The following WWC1 variants were observed in gnomAD, a reference collection of about 807,000 sequenced individuals.
WWC1 encodes WW and C2 domain containing 1, also known as protein KIBRA.
A neutral mutation model predicts 138.4 loss-of-function variants in WWC1; 55 were observed. That is an observed-to-expected ratio of 0.40 (90% CI 0.32 to 0.50). WWC1 has a LOEUF of 0.50. Ranked by LOEUF, WWC1 falls within the 20% of genes least tolerant of loss-of-function variation. WWC1 has a pLI of 0.72. For missense variants in WWC1, 1,226 were observed against 1,420.4 expected, an observed-to-expected ratio of 0.86 and a Z score of 2.20; for synonymous variants, 524 against 564.9, an observed-to-expected ratio of 0.93 and a Z score of 1.03.
chr5:168,349,484 C>T (rs1028983414), intron 1 of WWC1, among the ~76,000 whole-genome samples: 5 of 152,200 alleles, frequency 3.3e-5, no homozygotes, highest in Non-Finnish European at 7.3e-5. Flanking sequence ...GGGCCTCATC[C>T]TGGCCAAGCA....
At chr5:168,390,362 G>A (rs1778386055) in intron 3 of WWC1, among the ~76,000 whole-genome samples, 1 of 152,066 alleles carries the variant, frequency 6.6e-6, no homozygotes, top group South Asian at 2.1e-4. Flanking sequence ...ATGATCAAAG[G>A]AAGGAAGTAA....
At position 168,376,334 on chromosome 5, in the gene WWC1, G is replaced by A. The variant is rs554273020; in HGVS notation, c.229+4801G>A. Reference sequence around the variant, plus strand: ...CTCCCAAAGTGCTGGGATTACAGGCGTGAGCTGCTGTGCCTGGCCCATATT... The same window carrying A: ...CTCCCAAAGTGCTGGGATTACAGGCATGAGCTGCTGTGCCTGGCCCATATT... On this transcript the variant is annotated intron_variant, in intron 2 of 22. Transcript: ENST00000265293. 7.9e-5 allele frequency among the ~76,000 whole-genome samples: 12 copies of A among 152,306 alleles called. No individual in the cohort carries two copies. The South Asian group carries it at 2.1e-3, about 26-fold the overall frequency.
Position 168,307,125 on chromosome 5 carries a change from G to A in WWC1, c.119+14854G>A, listed in dbSNP as rs73801875. Among the ~76,000 whole-genome samples the A allele has an allele frequency of 4.1e-3, 620 of 152,276 alleles. 3 individuals are homozygous for A. Among genetic ancestry groups the A allele is most frequent in the African/African-American group, 0.014 (584 of 41,562 alleles). ...CTGGGCTGTGTGCTTTGAATGCATC[G>A]CCCAGTTTAATTCTCATAGCAACCC... On this transcript the variant is annotated intron_variant, in intron 1 of 22. Transcript: ENST00000265293.
chr5:168,376,835 T>C (rs1384494466), intron 2 of WWC1, among the ~76,000 whole-genome samples: 1 of 152,246 alleles, frequency 6.6e-6, no homozygotes, highest in Non-Finnish European at 1.5e-5. Flanking sequence ...AGAATCAATA[T>C]TGTTTAAATG....
chr5:168,292,394 C>A lies in WWC1; in HGVS notation c.119+123C>A. On this transcript the variant is annotated intron_variant, in intron 1 of 22. Transcript: ENST00000265293. This position sits in a 1 kb window ranked among gnomAD's most constrained non-coding sequence, Gnocchi z 4.4. ...CTCTGCGTGCCTCTTGAGCTCTCTT[C>A]AGTTCGCCACCCCCTGCTCCCCCCA... 1 of 1,147,220 alleles carries A rather than the reference C, an allele frequency of 8.7e-7. No individual in the cohort carries two copies. The highest frequency in any genetic ancestry group is 1.2e-6 in the Non-Finnish European group (1 of 824,142). The allele number at this position is 1,147,220 out of a possible 1,614,324, so 71.1% of individuals were successfully genotyped here.
intron 1 of WWC1, among the ~76,000 whole-genome samples, chr5:168,350,134 G>A (rs1774823984): frequency 6.6e-6 from 1 of 152,158 alleles, no homozygotes; most frequent in South Asian, 2.1e-4. Context: ...CAGGGCTCCA[G>A]TTGTATCATC....
chr5:168,423,972 C>T lies in WWC1; in HGVS notation c.1714C>T (p.Leu572=). Reference sequence around the variant, plus strand: ...CTCCTTGGAGTTTGAAGACCCGGAGCTGAGTGCCACTCTTTGTGAACTGAG... The same window carrying T: ...CTCCTTGGAGTTTGAAGACCCGGAGTTGAGTGCCACTCTTTGTGAACTGAG... ...LNSLEFEDPE[L]SATLCELSLG... is the part of the protein sequence containing the mutation. Residue 572 remains leucine (L), a synonymous_variant, in exon 11 of 23, where the codon CTG becomes TTG. Transcript: ENST00000265293. The T allele has an allele frequency of 6.2e-7, 1 of 1,614,156 alleles. No homozygotes were observed. The highest frequency in any genetic ancestry group is 8.5e-7 in the Non-Finnish European group (1 of 1,180,042).
intron 1 of WWC1, among the ~76,000 whole-genome samples, chr5:168,370,855 G>A (rs1776696750): frequency 6.6e-6 from 1 of 152,222 alleles, no homozygotes; most frequent in Admixed American, 6.5e-5. Context: ...CATTGTGGGT[G>A]CAAGCATTTG....
At chr5:168,372,829 G>A (rs561592698) in intron 2 of WWC1, among the ~76,000 whole-genome samples, 1 of 152,240 alleles carries the variant, frequency 6.6e-6, no homozygotes, top group Non-Finnish European at 1.5e-5. Flanking sequence ...GTCTCCTAGA[G>A]CAGAGACTGT....
intron 19 of WWC1, among the ~76,000 whole-genome samples, chr5:168,459,888 C>G (rs1052173857): frequency 2.6e-5 from 4 of 152,114 alleles, no homozygotes; most frequent in African/African-American, 9.7e-5. Flanking sequence ...CTCCCACCTC[C>G]CAGGGGGTGC....
chr5:168,422,145 A>G, intron 10 of WWC1, 48 bp downstream of exon 10: 1 of 1,577,040 alleles, frequency 6.3e-7, no homozygotes, highest in South Asian at 1.1e-5. Flanking sequence ...ATGGCCAGAC[A>G]TGGGTGTCCC....
intron 19 of WWC1, among the ~76,000 whole-genome samples, chr5:168,459,489 C>T (rs1276192822): frequency 6.6e-6 from 1 of 152,146 alleles, no homozygotes; most frequent in Non-Finnish European, 1.5e-5. Flanking sequence ...TTCAACTATA[C>T]AAGCTTCTTA....
At chr5:168,452,599 T>A (rs1201890066) in intron 17 of WWC1, among the ~76,000 whole-genome samples, 5 of 152,214 alleles carry the variant, frequency 3.3e-5, no homozygotes, top group Non-Finnish European at 5.9e-5. Context: ...TTAACCCACC[T>A]AGTAAGTGGT....
intron 1 of WWC1, among the ~76,000 whole-genome samples, chr5:168,322,494 T>A (rs545459980): frequency 6.6e-6 from 1 of 152,356 alleles, no homozygotes; most frequent in Admixed American, 6.5e-5. Context: ...TGGGTCATGG[T>A]TCTCTATCCT....
intron 1 of WWC1, among the ~76,000 whole-genome samples, chr5:168,339,197 C>T (rs1472398725): frequency 1.3e-5 from 2 of 152,138 alleles, no homozygotes; most frequent in African/African-American, 4.8e-5. Context: ...GTTGTCCCCT[C>T]AGCAGGGGTA....
intron 2 of WWC1, among the ~76,000 whole-genome samples, chr5:168,379,166 T>C (rs1777436825): frequency 6.6e-6 from 1 of 152,216 alleles, no homozygotes; most frequent in South Asian, 2.1e-4. Context: ...AGATGTTTTA[T>C]GTAGGAAATT....
intron 20 of WWC1, among the ~76,000 whole-genome samples, chr5:168,462,235 C>T (rs200424127): frequency 0.011 from 601 of 52,562 alleles, 2 homozygotes; most frequent in African/African-American, 0.076. Context: ...TGAGGGGGAA[C>T]TGGAGAGAGG....
At chr5:168,421,960 C>A in intron 9 of WWC1, 48 bp from the exon 10 acceptor site, 1 of 1,536,998 alleles carries the variant, frequency 6.5e-7, no homozygotes, top group Non-Finnish European at 9.0e-7. Flanking sequence ...AGAGTGCATG[C>A]CTGTGCTTCC....
At chr5:168,413,150 G>A (rs374171299) in intron 8 of WWC1, among the ~76,000 whole-genome samples, 20 of 152,322 alleles carry the variant, frequency 1.3e-4, no homozygotes, top group African/African-American at 4.6e-4. Context: ...CTCAACAAGT[G>A]TTGGCCACGT....
Sources: allele counts gnomAD v4.1 joint callset (sites outside exome capture counted in the v4.1 genomes callset), GRCh38; gene constraint gnomAD v4.1.1; non-coding constraint Gnocchi (gnomAD v3.1); transcripts MANE v1.5; gene names NCBI Gene and HGNC (gene_info 2026-07-23, HGNC 2026-07-21).